Variants in MITF observed in about 807,000 individuals in gnomAD.
The protein encoded by MITF is melanocyte inducing transcription factor, also known as microphthalmia-associated transcription factor.
MITF carries 17 observed loss-of-function variants against 60.5 expected under a neutral mutation model. That is an observed-to-expected ratio of 0.28 (90% CI 0.19 to 0.42). MITF has a LOEUF of 0.42. Among genes scored for constraint, MITF ranks in the 10% least tolerant of loss-of-function variants. The probability of loss-of-function intolerance (pLI) is 1.00; values close to 1 mark genes in which losing one functional copy is unlikely to be tolerated. For missense variants in MITF, 622 were observed against 683.5 expected, an observed-to-expected ratio of 0.91 and a Z score of 1.00; for synonymous variants, 260 against 248.5, an observed-to-expected ratio of 1.05 and a Z score of -0.43.
At chr3:69,763,798 A>T (rs1406782253) in intron 1 of MITF, 1 of 1,363,122 alleles carries the variant, frequency 7.3e-7, no homozygotes, top group African/African-American at 1.5e-5. Context: ...GGTTGGCATT[A>T]ATCTTGGGAA....
At chr3:69,763,792 G>A (rs1380916776) in intron 1 of MITF, 1 of 1,363,472 alleles carries the variant, frequency 7.3e-7, no homozygotes, top group African/African-American at 1.5e-5. Context: ...GCTAATGGTT[G>A]GCATTAATCT....
chr3:69,893,865 C>A (rs1444623382), intron 2 of MITF, among the ~76,000 whole-genome samples: 1 of 152,128 alleles, frequency 6.6e-6, no homozygotes, highest in East Asian at 1.9e-4. Flanking sequence ...AACTTTCCCC[C>A]AAATTACACC....
chr3:69,827,592 T>C (rs1474684449), intron 1 of MITF, among the ~76,000 whole-genome samples: 1 of 152,190 alleles, frequency 6.6e-6, no homozygotes, highest in Non-Finnish European at 1.5e-5. Context: ...GAGGGAAATA[T>C]AAACCTCCCA....
intron 1 of MITF, among the ~76,000 whole-genome samples, chr3:69,822,594 A>C (rs1455372597): frequency 6.6e-6 from 1 of 152,174 alleles, no homozygotes; most frequent in Non-Finnish European, 1.5e-5. Context: ...ACCCGAACAG[A>C]AACAAGAAAT....
intron 2 of MITF, among the ~76,000 whole-genome samples, chr3:69,900,747 G>T (rs1453139214): frequency 6.6e-6 from 1 of 152,130 alleles, no homozygotes; most frequent in African/African-American, 2.4e-5. Flanking sequence ...AAAGTAACAT[G>T]TTTAAGGCAA....
At chr3:69,878,559 G>A (rs1427666292) in intron 1 of MITF, among the ~76,000 whole-genome samples, 1 of 152,136 alleles carries the variant, frequency 6.6e-6, no homozygotes, top group Non-Finnish European at 1.5e-5. Context: ...GCGAGGTCGA[G>A]TTCAGTGTTA....
chr3:69,770,622 CA>C (rs2062378883), intron 1 of MITF, among the ~76,000 whole-genome samples: 1 of 152,150 alleles, frequency 6.6e-6, no homozygotes, highest in South Asian at 2.1e-4. Context: ...ATTGACTGTG[CA>C]AAAGCAACTG....
intron 1 of MITF, among the ~76,000 whole-genome samples, chr3:69,828,070 G>T (rs545301193): frequency 1.3e-5 from 2 of 152,058 alleles, no homozygotes; most frequent in Non-Finnish European, 2.9e-5. Flanking sequence ...GTTGGCCCAA[G>T]GTATGATTAC....
intron 1 of MITF, among the ~76,000 whole-genome samples, chr3:69,766,094 A>G (rs2062287149): frequency 6.6e-6 from 1 of 152,232 alleles, no homozygotes; most frequent in Admixed American, 6.5e-5. Context: ...TGGAAGTTTA[A>G]TAGTTGAACA....
intron 1 of MITF, chr3:69,752,438 T>G (rs1703971435): frequency 6.6e-6 from 1 of 152,198 alleles, no homozygotes; most frequent in African/African-American, 2.4e-5. Flanking sequence ...GAGATGGAAA[T>G]GAGGAACTCA....
At chr3:69,866,065 T>C (rs1024131292) in intron 1 of MITF, among the ~76,000 whole-genome samples, 11 of 152,154 alleles carry the variant, frequency 7.2e-5, no homozygotes, top group African/African-American at 2.7e-4. Flanking sequence ...GTAGCCCTCA[T>C]TGTGGTGTGA....
chr3:69,847,942 A>C (rs1028661576), intron 1 of MITF, among the ~76,000 whole-genome samples: 1 of 152,196 alleles, frequency 6.6e-6, no homozygotes, highest in Non-Finnish European at 1.5e-5. Context: ...CTCTTTCCAC[A>C]TTTAATGATG....
chr3:69,876,233 A>G (rs185014969), intron 1 of MITF, among the ~76,000 whole-genome samples: 7 of 152,270 alleles, frequency 4.6e-5, no homozygotes, highest in Admixed American at 2.0e-4. Context: ...ATCACAGCCA[A>G]TGACTCGTCT....
intron 1 of MITF, among the ~76,000 whole-genome samples, chr3:69,806,648 A>G (rs1234611915): frequency 6.6e-6 from 1 of 152,144 alleles, no homozygotes; most frequent in African/African-American, 2.4e-5. Context: ...CTTAATTTTT[A>G]GGTTGGGTTT....
At chr3:69,813,498 T>G (rs2063133135) in intron 1 of MITF, among the ~76,000 whole-genome samples, 1 of 152,166 alleles carries the variant, frequency 6.6e-6, no homozygotes, top group Non-Finnish European at 1.5e-5. Flanking sequence ...TAGGCCAACT[T>G]TCCTTGCATT....
chr3:69,938,627 C>A (rs771082280), intron 3 of MITF: 282 of 1,342,216 alleles, frequency 2.1e-4, no homozygotes, highest in Non-Finnish European at 2.5e-4. Context: ...GTTAAATCTG[C>A]TTTGGTGAAG....
intron 1 of MITF, among the ~76,000 whole-genome samples, chr3:69,852,795 A>G (rs928164297): frequency 1.3e-5 from 2 of 152,148 alleles, no homozygotes. Flanking sequence ...TGAGTGTGCC[A>G]TTTGCTCTGT....
chr3:69,813,992 C>T (rs1225402483), intron 1 of MITF, among the ~76,000 whole-genome samples: 1 of 152,036 alleles, frequency 6.6e-6, no homozygotes, highest in Non-Finnish European at 1.5e-5. Context: ...GTTTCATATG[C>T]CCTTCAGTCC....
At chr3:69,787,084 G>T (rs1694232693) in intron 1 of MITF, among the ~76,000 whole-genome samples, 1 of 152,206 alleles carries the variant, frequency 6.6e-6, no homozygotes, top group Non-Finnish European at 1.5e-5. Flanking sequence ...GAGAGAGAGA[G>T]AGATTGATTT....
Sources: allele counts gnomAD v4.1 joint callset (sites outside exome capture counted in the v4.1 genomes callset), GRCh38; gene constraint gnomAD v4.1.1; transcripts MANE v1.5; gene names NCBI Gene and HGNC (gene_info 2026-07-23, HGNC 2026-07-21).